SLCO1B1: variants seen among roughly 807,000 people sequenced by gnomAD.
SLCO1B1 encodes the protein OATP-2.
Under a neutral mutation model 70.1 loss-of-function variants are expected in SLCO1B1, and 81 were observed. That is an observed-to-expected ratio of 1.16 (90% CI 0.97 to 1.39). The LOEUF is 1.39. Among genes scored for constraint, SLCO1B1 ranks in the 40% most tolerant of loss-of-function variants. The pLI is 0.00. For missense variants in SLCO1B1, 895 were observed against 799.6 expected (o/e 1.12, Z -1.44); for synonymous variants, 283 against 271.5 (o/e 1.04, Z -0.42).
rs76647672 is a variant in SLCO1B1, at chr12:21,202,695, A to G, written c.1331+9A>G. 493 of 1,586,496 alleles carry G rather than the reference A, an allele frequency of 3.1e-4. 1 individual carries two copies. The Middle Eastern group carries it at 4.6e-3, about 15-fold the overall frequency. Reference sequence around the variant, plus strand: ...ACCATGACCTATGATGGGTTTGTATATATCACTATATCAATTGCATAATAT... The same window carrying G: ...ACCATGACCTATGATGGGTTTGTATGTATCACTATATCAATTGCATAATAT... On this transcript the variant is annotated intron_variant, in intron 10 of 14. Transcript: ENST00000256958.
In SLCO1B1 at chr12:21,200,634, A is replaced by G; in HGVS notation, c.1097A>G (p.Gln366Arg). 6.2e-7 allele frequency: 1 copy of G among 1,612,612 alleles called. No homozygotes were observed. Among genetic ancestry groups the G allele is most frequent in the Non-Finnish European group, 8.5e-7 (1 of 1,179,146 alleles). Reference protein sequence around the residue: ...FTYVFKYVEQQYGQPSSKANI... With the variant: ...FTYVFKYVEQRYGQPSSKANI... ...TATGTCTTCAAATACGTAGAGCAAC[A>G]GTATGGTCAGCCTTCATCTAAGGCT... The change falls in exon 9 of 15, where the codon CAG becomes CGG. Residue 366 changes from glutamine to arginine, a missense_variant. Gln to Arg is a conservative substitution (Grantham distance 43). Coordinates refer to ENST00000256958, the MANE Select transcript of SLCO1B1 (RefSeq NM_006446.5).
chr12:21,226,973 G>A (rs1473569056), intron 14 of SLCO1B1, among the ~76,000 whole-genome samples: 5 of 152,066 alleles, frequency 3.3e-5, no homozygotes, highest in Non-Finnish European at 7.4e-5. Flanking sequence ...AATTGATAAT[G>A]ACAGGATTGC....
At chr12:21,140,494 C>G (rs1351572242) in intron 1 of SLCO1B1, among the ~76,000 whole-genome samples, 1 of 151,882 alleles carries the variant, frequency 6.6e-6, no homozygotes, top group African/African-American at 2.4e-5. Flanking sequence ...TACATTGACT[C>G]CAAAACTTTA....
chr12:21,191,850 C>T (rs1382019530), intron 7 of SLCO1B1, among the ~76,000 whole-genome samples: 2 of 152,064 alleles, frequency 1.3e-5, no homozygotes, highest in Non-Finnish European at 2.9e-5. Context: ...TGGATTTTAT[C>T]AAATGCTGTT....
rs773458077 is a variant in SLCO1B1 at position 21,239,125 on chromosome 12, A to G, written c.2012A>G (p.Glu671Gly). 6.2e-7 allele frequency: 1 copy of G among 1,613,098 alleles called. No individual in the cohort carries two copies. The highest frequency in any genetic ancestry group is 8.5e-7 in the Non-Finnish European group (1 of 1,179,354). Residue 671 changes from glutamate to glycine, a missense_variant, in exon 15 of 15, where the codon GAA becomes GGA. Physicochemically the swap from Glu to Gly is moderately conservative, Grantham distance 98. Coordinates refer to ENST00000256958, the MANE Select transcript of SLCO1B1 (RefSeq NM_006446.5). ...AGTGTCATGGATGAAGCAAACTTAGAATCCTTAAATAAAAATAAACATTTT... is the reference window on the plus strand; with the variant it reads ...AGTGTCATGGATGAAGCAAACTTAGGATCCTTAAATAAAAATAAACATTTT... ...NGSVMDEANL[E>G]SLNKNKHFVP...
At chr12:21,179,396 G>A (rs1175744301) in intron 7 of SLCO1B1, among the ~76,000 whole-genome samples, 1 of 152,090 alleles carries the variant, frequency 6.6e-6, no homozygotes, top group Non-Finnish European at 1.5e-5. Context: ...AAGTCTTCTT[G>A]TGGCTGCTGC....
chr12:21,160,839 T>A (rs7313506), intron 2 of SLCO1B1, among the ~76,000 whole-genome samples: 147,635 of 152,250 alleles, frequency 0.97, 71,773 homozygotes, highest in East Asian at 1. Context: ...CTCATTAAAA[T>A]GTAGGCAAAG....
chr12:21,168,361 T>C (rs938023272), intron 2 of SLCO1B1, among the ~76,000 whole-genome samples: 1 of 152,214 alleles, frequency 6.6e-6, no homozygotes, highest in African/African-American at 2.4e-5. Context: ...TGCATGAATA[T>C]GCATGTACAA....
intron 10 of SLCO1B1, among the ~76,000 whole-genome samples, chr12:21,204,185 G>C (rs1941187597): frequency 6.6e-6 from 1 of 151,700 alleles, no homozygotes; most frequent in African/African-American, 2.4e-5. Flanking sequence ...AATGTGTTCT[G>C]AATATCTCTA....
At chr12:21,211,158 T>C (rs1941279220) in intron 11 of SLCO1B1, among the ~76,000 whole-genome samples, 3 of 152,324 alleles carry the variant, frequency 2.0e-5, no homozygotes, top group Admixed American at 2.0e-4. Context: ...ACGGAATGCT[T>C]CCAGTTTTTG....
In SLCO1B1 at chr12:21,197,039, T is replaced by C. The variant is rs556151379; in HGVS notation, c.821T>C (p.Ile274Thr). ...GGACTATTCTCCATTATTTCTTCCA[T>C]ACCATTCTTTTTCTTGCCCCAAACT... ...VSGLFSIISS[I>T]PFFFLPQTPN... is the part of the protein sequence containing the mutation. The change falls in exon 8 of 15, where the codon ATA becomes ACA. Residue 274 changes from isoleucine (I) to threonine (T), a missense_variant. Coordinates refer to ENST00000256958, the MANE Select transcript of SLCO1B1 (RefSeq NM_006446.5). 2 of 1,613,790 alleles carry C rather than the reference T, an allele frequency of 1.2e-6. No homozygotes were observed. The highest frequency in any genetic ancestry group is 1.7e-6 in the Non-Finnish European group (2 of 1,179,750).
intron 1 of SLCO1B1, among the ~76,000 whole-genome samples, chr12:21,137,578 G>T (rs1043127363): frequency 6.6e-6 from 1 of 152,172 alleles, no homozygotes; most frequent in Non-Finnish European, 1.5e-5. Context: ...CTTGCAGTTT[G>T]ATCTTGGATG....
At chr12:21,190,105 T>C (rs1941012190) in intron 7 of SLCO1B1, among the ~76,000 whole-genome samples, 1 of 152,152 alleles carries the variant, frequency 6.6e-6, no homozygotes, top group Non-Finnish European at 1.5e-5. Context: ...GAGACTAAGC[T>C]GAAGATAGCT....
intron 2 of SLCO1B1, among the ~76,000 whole-genome samples, chr12:21,145,479 T>TCA (rs1418401751): frequency 7.3e-6 from 1 of 137,418 alleles, no homozygotes; most frequent in African/African-American, 2.7e-5. Context: ...TTTCATTTTT[T>TCA]TTTTTTTTTT....
At chr12:21,152,802 C>G (rs184977107) in intron 2 of SLCO1B1, among the ~76,000 whole-genome samples, 5 of 152,146 alleles carry the variant, frequency 3.3e-5, no homozygotes, top group Non-Finnish European at 7.4e-5. Flanking sequence ...ACAGAGGGCT[C>G]TAGTCTATTT....
chr12:21,149,284 G>A (rs905085381), intron 2 of SLCO1B1, among the ~76,000 whole-genome samples: 8 of 152,086 alleles, frequency 5.3e-5, no homozygotes, highest in Non-Finnish European at 7.4e-5. Context: ...GTGAGAGAGG[G>A]CATCCTTGTC....
chr12:21,205,942 A>G lies in SLCO1B1; in HGVS notation c.1406A>G (p.Gln469Arg), dbSNP rs758043391. 6.2e-7 allele frequency: 1 copy of G among 1,611,926 alleles called. No homozygotes were observed. Among genetic ancestry groups the G allele is most frequent in the South Asian group, 1.1e-5 (1 of 91,020 alleles). The change falls in exon 11 of 15, where the codon CAA becomes CGA. Residue 469 changes from glutamine (Q) to arginine (R), a missense_variant. Gln to Arg is a conservative substitution (Grantham distance 43). Transcript: ENST00000256958. ...TCAGACTGCAATTGTGATGAAAGTCAATGGGAACCAGTCTGTGGAAACAAT... is the reference window on the plus strand; with the variant it reads ...TCAGACTGCAATTGTGATGAAAGTCGATGGGAACCAGTCTGTGGAAACAAT... ...CNSDCNCDES[Q>R]WEPVCGNNGI...
At chr12:21,159,934 A>G (rs901909591) in intron 2 of SLCO1B1, among the ~76,000 whole-genome samples, 2 of 152,014 alleles carry the variant, frequency 1.3e-5, no homozygotes, top group Non-Finnish European at 2.9e-5. Context: ...AAAAATCTCT[A>G]CAATGAGACT....
At chr12:21,236,914 T>C (rs1490767997) in intron 14 of SLCO1B1, among the ~76,000 whole-genome samples, 2 of 125,294 alleles carry the variant, frequency 1.6e-5, no homozygotes, top group Non-Finnish European at 3.6e-5. Context: ...TTTTAATCTA[T>C]ACATCTATAA....
Sources: gnomAD v4.1 joint callset for allele counts (sites outside exome capture counted in the v4.1 genomes callset) on GRCh38, gnomAD v4.1.1 for gene constraint, MANE v1.5 for transcripts, NCBI Gene and HGNC (gene_info 2026-07-23, HGNC 2026-07-21) for gene names.